Variants in RAB2A observed in about 807,000 individuals in gnomAD.
The protein encoded by RAB2A is RAB2A, member RAS oncogene family.
RAB2A carries 7 observed loss-of-function variants against 32.5 expected under a neutral mutation model. That is an observed-to-expected ratio of 0.22 (90% confidence interval 0.12 to 0.40). The LOEUF (loss-of-function observed/expected upper bound fraction) is 0.40, where lower values mean the gene tolerates loss of function less well. Among genes scored for constraint, RAB2A ranks in the 10% least tolerant of loss-of-function variants. RAB2A has a pLI of 1.00. For synonymous variants in RAB2A, 79 were observed against 85.2 expected, an observed-to-expected ratio of 0.93 and a Z score of 0.40; for missense variants, 108 against 260.7, an observed-to-expected ratio of 0.41 and a Z score of 4.03.
intron 1 of RAB2A, among the ~76,000 whole-genome samples, chr8:60,554,829 G>A (rs1356361695): frequency 6.6e-6 from 1 of 152,056 alleles, no homozygotes; most frequent in African/African-American, 2.4e-5. Context: ...CTCCAGCCTG[G>A]GCGACAGAGC....
chr8:60,591,637 C>CT (rs1803947036), intron 5 of RAB2A: 3 of 380,168 alleles, frequency 7.9e-6, no homozygotes, highest in East Asian at 4.4e-5. Flanking sequence ...TTCTAAAGCT[C>CT]TAACACAGAA....
intron 1 of RAB2A, among the ~76,000 whole-genome samples, chr8:60,548,593 G>A (rs1261571204): frequency 7.1e-6 from 1 of 141,288 alleles, no homozygotes; most frequent in East Asian, 2.2e-4. Context: ...GGGCGGCCAG[G>A]CAGAGGCGCC....
intron 1 of RAB2A, among the ~76,000 whole-genome samples, chr8:60,558,076 G>T (rs1222382851): frequency 6.6e-6 from 1 of 152,128 alleles, no homozygotes. Context: ...ATTCAATAAA[G>T]ACTTTGAGTA....
chr8:60,587,696 A>G (rs1052677151), intron 5 of RAB2A, among the ~76,000 whole-genome samples: 4 of 152,248 alleles, frequency 2.6e-5, no homozygotes, highest in Non-Finnish European at 5.9e-5. Flanking sequence ...TAACCATTCC[A>G]CAGTGTATAT....
At chr8:60,572,703 G>T (rs1429975092) in intron 3 of RAB2A, among the ~76,000 whole-genome samples, 1 of 152,022 alleles carries the variant, frequency 6.6e-6, no homozygotes, top group Non-Finnish European at 1.5e-5. Flanking sequence ...TATACATTGG[G>T]TGCCTTAAGG....
rs1464993722 is a variant in RAB2A, at chr8:60,622,628, A to C, written c.*1859A>C. On this transcript the variant is annotated 3_prime_UTR_variant, in exon 8 of 8. Transcript: ENST00000262646. ...TTTTTAAGCTTCTGTTAATTTTTCC[A>C]GAAGTTTAGTGCGTTTCTTTTCCAT... 2 of 152,218 alleles carry C rather than the reference A, an allele frequency of 1.3e-5. No individual in the cohort carries two copies. The highest frequency in any genetic ancestry group is 2.9e-5 in the Non-Finnish European group (2 of 68,026). 9.4% of individuals were successfully genotyped at this position (152,218 alleles called of 1,614,324 possible). A position where few individuals can be genotyped will look rare whatever the true frequency, so the allele number is the denominator to read the frequency against.
intron 6 of RAB2A, among the ~76,000 whole-genome samples, chr8:60,615,663 T>C (rs1488972590): frequency 6.6e-6 from 1 of 152,152 alleles, no homozygotes; most frequent in African/African-American, 2.4e-5. Flanking sequence ...CTTAGAACTT[T>C]TATTTGACCT....
chr8:60,607,812 G>A (rs947692687), intron 6 of RAB2A, among the ~76,000 whole-genome samples: 2 of 152,182 alleles, frequency 1.3e-5, no homozygotes, highest in Non-Finnish European at 2.9e-5. Context: ...GCAGAGTGCT[G>A]TCTCCTCCCA....
rs560916150 is a variant in RAB2A, at chr8:60,586,390, AAAAG to A, written c.362+1577_362+1580del. On this transcript the variant is annotated intron_variant, in intron 5 of 7. Coordinates refer to ENST00000262646, the MANE Select transcript of RAB2A (RefSeq NM_002865.3). ...GGAAAGCCTCCTGCCCGTTAAAAAA[AAAAG>A]AGAGAGAGAAAACCAATGAAACCAA... Among the ~76,000 whole-genome samples, 143 of 147,720 alleles carry A rather than the reference AAAAG, an allele frequency of 9.7e-4. 5 individuals are homozygous for A. The East Asian group carries it at 0.023, about 24-fold the overall frequency.
At chr8:60,608,507 T>TTCTTCCTCTCCC in intron 6 of RAB2A, among the ~76,000 whole-genome samples, 1 of 128,414 alleles carries the variant, frequency 7.8e-6, no homozygotes, top group African/African-American at 3.9e-5. Flanking sequence ...CTTCCTCTCC[T>TTCTTCCTCTCCC]TCTTCCTCTC....
chr8:60,550,827 G>T (rs1374492808), intron 1 of RAB2A, among the ~76,000 whole-genome samples: 1 of 152,142 alleles, frequency 6.6e-6, no homozygotes, highest in East Asian at 1.9e-4. Context: ...TAAACTTACA[G>T]AGTTCTTTAG....
chr8:60,569,826 A>ATT (rs1808170721), intron 2 of RAB2A: 1 of 364,678 alleles, frequency 2.7e-6, no homozygotes, highest in African/African-American at 2.1e-5. Flanking sequence ...GATCTGCTTA[A>ATT]TTTGAATAAA....
At chr8:60,601,215 T>TGCTAACATAGTTTGTTCACAAGA (rs148578207) in intron 6 of RAB2A, among the ~76,000 whole-genome samples, 1 of 151,974 alleles carries the variant, frequency 6.6e-6, no homozygotes, top group African/African-American at 2.4e-5. Flanking sequence ...ACTAGATTTT[T>TGCTAACATAGTTTGTTCACAAGA]GCTCTGTATG....
chr8:60,586,535 A>G (rs116023358), intron 5 of RAB2A, among the ~76,000 whole-genome samples: 1,844 of 152,242 alleles, frequency 0.012, 38 homozygotes, highest in African/African-American at 0.042. Context: ...GAGAGAGAAT[A>G]TTGTAAACAG....
intron 5 of RAB2A, among the ~76,000 whole-genome samples, chr8:60,586,933 GAA>G (rs200377607): frequency 0.011 from 710 of 63,888 alleles, 6 homozygotes; most frequent in African/African-American, 0.029. Flanking sequence ...CTGTCTCCAA[GAA>G]AAAAAAAAAA....
intron 1 of RAB2A, among the ~76,000 whole-genome samples, chr8:60,548,791 A>ACGGG (rs1563466248): frequency 7.8e-6 from 1 of 128,152 alleles, no homozygotes; most frequent in Non-Finnish European, 1.7e-5. Context: ...CCTCCCTCCC[A>ACGGG]GACGGGGCGG....
chr8:60,547,668 T>C (rs1157453910), intron 1 of RAB2A, among the ~76,000 whole-genome samples: 2 of 106,506 alleles, frequency 1.9e-5, no homozygotes, highest in Non-Finnish European at 1.9e-5. Context: ...CCCCCCCACC[T>C]CCCTCCCGGA....
At chr8:60,560,254 A>T (rs1808001145) in intron 2 of RAB2A, among the ~76,000 whole-genome samples, 1 of 152,014 alleles carries the variant, frequency 6.6e-6, no homozygotes, top group Non-Finnish European at 1.5e-5. Flanking sequence ...TGCCTGGCTA[A>T]TTTTTTGTGT....
At chr8:60,574,687 C>T (rs963199131) in intron 3 of RAB2A, among the ~76,000 whole-genome samples, 1 of 152,198 alleles carries the variant, frequency 6.6e-6, no homozygotes, top group Non-Finnish European at 1.5e-5. Context: ...CGTCATACAT[C>T]ATTTTGATAG....
Sources: gnomAD v4.1 joint callset for allele counts (sites outside exome capture counted in the v4.1 genomes callset) on GRCh38, gnomAD v4.1.1 for gene constraint, MANE v1.5 for transcripts, NCBI Gene and HGNC (gene_info 2026-07-23, HGNC 2026-07-21) for gene names.